Variants in DNAH17 observed in about 807,000 individuals in gnomAD.
DNAH17 encodes the protein dynein axonemal heavy chain 17, also known as axonemal beta dynein heavy chain 17.
Under a neutral mutation model 485.6 loss-of-function variants are expected in DNAH17, and 376 were observed. That is an observed-to-expected ratio of 0.77 (90% confidence interval 0.71 to 0.84). The LOEUF is 0.84. DNAH17 is among the 40% of genes least tolerant of loss of function. The pLI is 0.00. For missense variants in DNAH17, 6,370 were observed against 5,839.3 expected (o/e 1.09, Z -2.96); for synonymous variants, 3,031 against 2,405.9 (o/e 1.26, Z -7.60).
chr17:78,575,436 A>G (rs561783366), intron 1 of DNAH17, among the ~76,000 whole-genome samples: 36 of 152,322 alleles, frequency 2.4e-4, no homozygotes, highest in African/African-American at 8.4e-4. Context: ...ATGGGGTAGG[A>G]AAAGGCAGAA....
chr17:78,572,989 T>G, intron 2 of DNAH17, 95 bp from the exon 3 acceptor site: 1 of 1,146,104 alleles, frequency 8.7e-7, no homozygotes, highest in Non-Finnish European at 1.2e-6. Context: ...AAAGACCCGG[T>G]GTCTGGAGCC....
chr17:78,572,467 T>G (rs116836755), intron 3 of DNAH17, among the ~76,000 whole-genome samples: 1,596 of 152,146 alleles, frequency 0.01, 18 homozygotes, highest in African/African-American at 0.037. Context: ...GGGGTGCAGG[T>G]GCCAGAGCCC....
At chr17:78,478,005 TCACCATCATCACCATCACCAC>T (rs1477221489) in intron 51 of DNAH17, among the ~76,000 whole-genome samples, 1 of 90,118 alleles carries the variant, frequency 1.1e-5, no homozygotes, top group Non-Finnish European at 1.9e-5. Flanking sequence ...ACCACCATCA[TCACCATCATCACCATCACCAC>T]CACCATCACA....
At chr17:78,508,945 G>T (rs528593172) in intron 27 of DNAH17, among the ~76,000 whole-genome samples, 1 of 150,452 alleles carries the variant, frequency 6.6e-6, no homozygotes, top group Non-Finnish European at 1.5e-5. Flanking sequence ...GGGACTACAG[G>T]TGTGTGTCAT....
At chr17:78,481,983 C>G (rs563306831) in intron 48 of DNAH17, among the ~76,000 whole-genome samples, 70 of 152,156 alleles carry the variant, frequency 4.6e-4, no homozygotes, top group Non-Finnish European at 9.0e-4. Flanking sequence ...CTATTGCACT[C>G]CAGCCTGGGC....
intron 63 of DNAH17, among the ~76,000 whole-genome samples, chr17:78,455,330 A>G (rs1568075189): frequency 6.9e-6 from 1 of 145,596 alleles, no homozygotes; most frequent in Non-Finnish European, 1.5e-5. Flanking sequence ...GTAGGACTCC[A>G]TTTTTTTTTT....
intron 54 of DNAH17, among the ~76,000 whole-genome samples, chr17:78,471,054 C>A (rs149536413): frequency 6.6e-6 from 1 of 152,120 alleles, no homozygotes; most frequent in African/African-American, 2.4e-5. Context: ...GTATTTCCAG[C>A]GTTTTGGCGA....
At chr17:78,436,878 AAACACG>A (rs2086866248) in intron 74 of DNAH17, among the ~76,000 whole-genome samples, 2 of 119,140 alleles carry the variant, frequency 1.7e-5, no homozygotes, top group Non-Finnish European at 3.8e-5. Flanking sequence ...ACAAACAAAC[AAACACG>A]TGGCCAGGAA....
Position 78,434,134 on chromosome 17 carries a change from CCT to C in DNAH17, c.12118_12119del (p.Arg4040AlafsTer47), listed in dbSNP as rs1310501305. On this transcript the variant is annotated frameshift_variant, in exon 75 of 81. Coordinates refer to ENST00000389840, the MANE Select transcript of DNAH17 (RefSeq NM_173628.4). LOFTEE classifies it high-confidence loss of function. ...TCCAGCCCTGGGCGCCGAACTTGCG[CCT>C]CTCTGCCACCACAGCGTGGAAGTAG... ...LCYFHAVVAE[R>X]RKFGAQGWNR... 1 of 1,613,664 alleles carries C rather than the reference CCT, an allele frequency of 6.2e-7. No individual in the cohort carries two copies. The highest frequency in any genetic ancestry group is 1.7e-5 in the Admixed American group (1 of 60,012).
At chr17:78,534,127 A>G (rs2091311956) in intron 19 of DNAH17, among the ~76,000 whole-genome samples, 1 of 151,830 alleles carries the variant, frequency 6.6e-6, no homozygotes, top group South Asian at 2.1e-4. Context: ...ACCCTCAACC[A>G]CTCCCCTTTA....
At chr17:78,491,714 C>T in intron 42 of DNAH17, 144 bp from the exon 43 acceptor site, 1 of 1,322,320 alleles carries the variant, frequency 7.6e-7, no homozygotes, top group Non-Finnish European at 1.0e-6. Context: ...GCATGAGGTG[C>T]CCAGGCTCCC....
At chr17:78,559,388 T>TA (rs1237171118) in intron 13 of DNAH17, among the ~76,000 whole-genome samples, 1 of 152,212 alleles carries the variant, frequency 6.6e-6, no homozygotes, top group Non-Finnish European at 1.5e-5. Flanking sequence ...ATGGCAATTC[T>TA]ACCTGTCTAC....
At chr17:78,571,410 T>G (rs753664880) in intron 4 of DNAH17, 32 bp from the exon 5 acceptor site, 2 of 1,577,024 alleles carry the variant, frequency 1.3e-6, no homozygotes, top group Non-Finnish European at 1.7e-6. Flanking sequence ...CACCTTTCAT[T>G]GACCTGGAAG....
At chr17:78,555,000 G>A in intron 14 of DNAH17, among the ~76,000 whole-genome samples, 1 of 152,102 alleles carries the variant, frequency 6.6e-6, no homozygotes, top group East Asian at 1.9e-4. Flanking sequence ...ACCCACCTCG[G>A]CCTCCCAAAG....
chr17:78,439,973 C>CT (rs2087005514), intron 72 of DNAH17, among the ~76,000 whole-genome samples: 1 of 151,212 alleles, frequency 6.6e-6, no homozygotes, highest in Non-Finnish European at 1.5e-5. Context: ...GCTGGCCTCA[C>CT]TTTTTTTTGA....
chr17:78,575,239 G>T (rs2092417018), intron 1 of DNAH17, among the ~76,000 whole-genome samples, 157 bp from the exon 2 acceptor site: 1 of 152,220 alleles, frequency 6.6e-6, no homozygotes, highest in South Asian at 2.1e-4. Context: ...GTTGGGGTGG[G>T]GGTGCTTTAG....
At chr17:78,426,258 C>T (rs1002692827) in intron 79 of DNAH17, among the ~76,000 whole-genome samples, 199 bp downstream of exon 79, 2 of 152,210 alleles carry the variant, frequency 1.3e-5, no homozygotes, top group African/African-American at 4.8e-5. Flanking sequence ...GCTTGTTTTC[C>T]TCCTTTGGGA....
chr17:78,451,938 C>G (rs2087572180), intron 65 of DNAH17, among the ~76,000 whole-genome samples: 1 of 152,186 alleles, frequency 6.6e-6, no homozygotes, highest in Admixed American at 6.5e-5. Flanking sequence ...TGGCGATACT[C>G]TGTCCTCCCC....
intron 53 of DNAH17, 57 bp downstream of exon 53, chr17:78,475,612 G>C: frequency 6.2e-7 from 1 of 1,605,554 alleles, no homozygotes; most frequent in East Asian, 2.2e-5. Flanking sequence ...TAATGCAACC[G>C]GAGAGGGTGA....
Sources: gnomAD v4.1 joint callset for allele counts (sites outside exome capture counted in the v4.1 genomes callset) on GRCh38, gnomAD v4.1.1 for gene constraint, MANE v1.5 for transcripts, NCBI Gene and HGNC (gene_info 2026-07-23, HGNC 2026-07-21) for gene names.